PICALM: variants seen among roughly 807,000 people sequenced by gnomAD.
PICALM encodes the protein phosphatidylinositol binding clathrin assembly protein.
A neutral mutation model predicts 80.5 loss-of-function variants in PICALM; 40 were observed. The ratio of observed to expected loss-of-function variants is 0.50; its 90% CI spans 0.39 to 0.65. The LOEUF (loss-of-function observed/expected upper bound fraction) is 0.65, where lower values mean the gene tolerates loss of function less well. Among genes scored for constraint, PICALM ranks in the 30% least tolerant of loss-of-function variants. PICALM has a pLI of 0.00. For missense variants in PICALM, 676 were observed against 778.9 expected (o/e 0.87, Z 1.57); for synonymous variants, 288 against 260.3 (o/e 1.11, Z -1.02).
chr11:85,973,725 T>C (rs971952668), intron 19 of PICALM, among the ~76,000 whole-genome samples: 3 of 152,166 alleles, frequency 2.0e-5, no homozygotes, highest in Admixed American at 1.3e-4. Flanking sequence ...TAAGACTATA[T>C]GCTTTGGCAA....
intron 4 of PICALM, 133 bp from the exon 5 acceptor site, chr11:86,015,096 G>A: frequency 1.7e-6 from 1 of 595,896 alleles, no homozygotes; most frequent in Non-Finnish European, 2.9e-6. Flanking sequence ...AAGTCATTAT[G>A]GAACATGAAA....
At chr11:86,042,415 A>G (rs376921021) in intron 1 of PICALM, among the ~76,000 whole-genome samples, 31 of 152,066 alleles carry the variant, frequency 2.0e-4, no homozygotes, top group Admixed American at 6.6e-5. Context: ...TATTTAAACA[A>G]TAAGAAAACA....
chr11:85,987,253 CAA>C (rs1327124114), intron 13 of PICALM, among the ~76,000 whole-genome samples: 4 of 152,046 alleles, frequency 2.6e-5, no homozygotes, highest in African/African-American at 4.8e-5. Context: ...GATGAGGAAA[CAA>C]AGAGAGATTA....
intron 7 of PICALM, among the ~76,000 whole-genome samples, chr11:86,009,158 T>C (rs1022037798): frequency 5.3e-5 from 8 of 150,298 alleles, no homozygotes; most frequent in South Asian, 4.2e-4. Flanking sequence ...CTGGGCGTGG[T>C]GGCGGGCACC....
intron 1 of PICALM, among the ~76,000 whole-genome samples, chr11:86,034,160 C>G (rs1211612151): frequency 2.0e-5 from 3 of 152,108 alleles, no homozygotes; most frequent in Non-Finnish European, 4.4e-5. Context: ...AGAATTCACA[C>G]TGAGATTATG....
At chr11:85,972,400 C>T (rs1405867837) in intron 19 of PICALM, among the ~76,000 whole-genome samples, 3 of 152,150 alleles carry the variant, frequency 2.0e-5, no homozygotes, top group Non-Finnish European at 4.4e-5. Context: ...ATCAGACACA[C>T]CTGGGGATAA....
chr11:86,023,757 T>C (rs1183996598), intron 3 of PICALM, among the ~76,000 whole-genome samples: 1 of 152,150 alleles, frequency 6.6e-6, no homozygotes, highest in Non-Finnish European at 1.5e-5. Flanking sequence ...AAAGGATGAG[T>C]AGGCAGTTTC....
At position 86,031,594 on chromosome 11, in the gene PICALM, T is replaced by G. The variant is rs775211588; in HGVS notation, c.148A>C (p.Asn50His). Residue 50 changes from asparagine (N) to histidine (H), a missense_variant, in exon 2 of 20, where the codon AAT becomes CAT. Transcript: ENST00000393346. ...KHLDYLIQCT[N>H]EMNVNIPQLA... ...TGTGGGATGTTCACATTCATCTCAT[T>G]TGTGCACTGAATTAAGTCTGCAATA... is the stretch of plus-strand genomic sequence containing the variant. 6.2e-7 allele frequency: 1 copy of G among 1,608,394 alleles called. No individual in the cohort carries two copies. The highest frequency in any genetic ancestry group is 1.1e-5 in the South Asian group (1 of 90,108).
chr11:86,063,435 G>C lies in PICALM; in HGVS notation c.130+5216C>G, dbSNP rs114000724. On this transcript the variant is annotated intron_variant, in intron 1 of 19. Transcript: ENST00000393346. Reference sequence around the variant, plus strand: ...TAACATAGCAAATAAATCCATCAGGGAACAATAATTACAAAAGTATTTCAG... The same window carrying C: ...TAACATAGCAAATAAATCCATCAGGCAACAATAATTACAAAAGTATTTCAG... 6.0e-3 allele frequency among the ~76,000 whole-genome samples: 917 copies of C among 152,158 alleles called. 7 individuals carry two copies. Among genetic ancestry groups the C allele is most frequent in the African/African-American group, 0.021 (876 of 41,524 alleles).
chr11:86,048,096 C>T (rs1284191844), intron 1 of PICALM, among the ~76,000 whole-genome samples: 2 of 151,938 alleles, frequency 1.3e-5, no homozygotes, highest in East Asian at 1.9e-4. Flanking sequence ...GCCAAAACTC[C>T]GTCTCAAAAA....
At chr11:86,000,002 A>G (rs917617322) in intron 11 of PICALM, among the ~76,000 whole-genome samples, 1 of 152,266 alleles carries the variant, frequency 6.6e-6, no homozygotes, top group African/African-American at 2.4e-5. Flanking sequence ...TTTCTCAAAA[A>G]AAGTTAAGAA....
In PICALM at chr11:86,068,861, C is replaced by A. The variant is rs948722506; in HGVS notation, c.-81G>T. 2.0e-6 allele frequency: 3 copies of A among 1,470,906 alleles called. No individual in the cohort carries two copies. The East Asian group carries it at 7.5e-5, about 37-fold the overall frequency. 91.1% of individuals were successfully genotyped at this position (1,470,906 alleles called of 1,614,324 possible). A position where few individuals can be genotyped will look rare whatever the true frequency, so the allele number is the denominator to read the frequency against. On this transcript the variant is annotated 5_prime_UTR_variant, in exon 1 of 20. Transcript: ENST00000393346. ...CCAAGAGCCGGAGGGTCCCCACCCC[C>A]CACCGCACCCCCTACCCCCACCGGC...
At chr11:86,039,337 A>G (rs2095904552) in intron 1 of PICALM, among the ~76,000 whole-genome samples, 1 of 152,058 alleles carries the variant, frequency 6.6e-6, no homozygotes, top group Non-Finnish European at 1.5e-5. Flanking sequence ...GCTGTAATGT[A>G]CTATAATCAT....
At chr11:86,032,210 G>C (rs1220555152) in intron 1 of PICALM, among the ~76,000 whole-genome samples, 1 of 152,106 alleles carries the variant, frequency 6.6e-6, no homozygotes, top group African/African-American at 2.4e-5. Flanking sequence ...AATTAGCTCA[G>C]ATCAGTTGAT....
At chr11:86,042,592 CT>C (rs548079983) in intron 1 of PICALM, among the ~76,000 whole-genome samples, 23 of 149,730 alleles carry the variant, frequency 1.5e-4, no homozygotes, top group African/African-American at 4.9e-4. Context: ...ATTACAAACA[CT>C]TTTTTGTATT....
Position 85,981,370 on chromosome 11 carries a change from C to A in PICALM, c.1680-142G>T. On this transcript the variant is annotated intron_variant, in intron 16 of 19. Coordinates refer to ENST00000393346, the MANE Select transcript of PICALM (RefSeq NM_007166.4). ...CCTGTAATCCCAGCACTTTGGGAGGCCAAGGTGGACAAATCACTTGAGGTC... is the reference window on the plus strand; with the variant it reads ...CCTGTAATCCCAGCACTTTGGGAGGACAAGGTGGACAAATCACTTGAGGTC... 2.2e-5 allele frequency: 13 copies of A among 591,150 alleles called. No individual in the cohort carries two copies. In the South Asian group the frequency reaches 2.8e-4, roughly 13 times the overall value. The allele number at this position is 591,150 out of a possible 1,614,324, so 36.6% of individuals were successfully genotyped here. A position where few individuals can be genotyped will look rare whatever the true frequency, so the allele number is the denominator to read the frequency against.
intron 1 of PICALM, among the ~76,000 whole-genome samples, chr11:86,043,713 A>G (rs2096015879): frequency 6.6e-6 from 1 of 152,230 alleles, no homozygotes; most frequent in African/African-American, 2.4e-5. Context: ...CATAAGATCC[A>G]GGAGACAGAA....
At chr11:86,017,898 A>G (rs1266214312) in intron 4 of PICALM, among the ~76,000 whole-genome samples, 1 of 152,234 alleles carries the variant, frequency 6.6e-6, no homozygotes, top group Non-Finnish European at 1.5e-5. Flanking sequence ...TCAGAAAAAA[A>G]TGTGTGTGTG....
intron 1 of PICALM, among the ~76,000 whole-genome samples, chr11:86,049,827 TAA>T (rs113468454): frequency 1.0e-4 from 14 of 140,554 alleles, no homozygotes; most frequent in Admixed American, 2.1e-4. Flanking sequence ...TTAGAGAAGT[TAA>T]AAAAAAAAAA....
Sources: allele counts gnomAD v4.1 joint callset (sites outside exome capture counted in the v4.1 genomes callset), GRCh38; gene constraint gnomAD v4.1.1; transcripts MANE v1.5; gene names NCBI Gene and HGNC (gene_info 2026-07-23, HGNC 2026-07-21).